The following SH3GL2 variants were observed in gnomAD, a reference collection of about 807,000 sequenced individuals.
SH3GL2 encodes SH3 domain containing GRB2 like 2, endophilin A1.
In SH3GL2, 24 loss-of-function variants were observed where a neutral mutation model predicts 46.0. The observed-to-expected ratio is 0.52, with a 90% CI of 0.38 to 0.73. The LOEUF (loss-of-function observed/expected upper bound fraction) is 0.73, where lower values mean the gene tolerates loss of function less well. Among genes scored for constraint, SH3GL2 ranks in the 30% least tolerant of loss-of-function variants. SH3GL2 has a pLI of 0.00. For missense variants in SH3GL2, 413 were observed against 424.2 expected, an observed-to-expected ratio of 0.97 and a Z score of 0.23; for synonymous variants, 196 against 147.1, an observed-to-expected ratio of 1.33 and a Z score of -2.40.
chr9:17,605,408 A>T (rs568498238), intron 1 of SH3GL2, among the ~76,000 whole-genome samples: 33 of 152,130 alleles, frequency 2.2e-4, no homozygotes, highest in Non-Finnish European at 4.6e-4. Flanking sequence ...AATTGAGATG[A>T]CCAGGGAGGT....
chr9:17,795,539 C>G lies in SH3GL2; in HGVS notation c.860-5C>G. ...TCTTCTCTTCTCTCCTGCTCTTACT[C>G]CCAGGTGTCCAAATGGATCAGCCCT... is the stretch of plus-strand genomic sequence containing the variant. On this transcript the variant is annotated splice_polypyrimidine_tract_variant and splice_region_variant and intron_variant, in intron 8 of 8. Transcript: ENST00000380607. The G allele has an allele frequency of 6.2e-7, 1 of 1,612,066 alleles. No individual in the cohort carries two copies. The highest frequency in any genetic ancestry group is 8.5e-7 in the Non-Finnish European group (1 of 1,178,286).
At chr9:17,790,820 C>T (rs1187969801) in intron 6 of SH3GL2, among the ~76,000 whole-genome samples, 1 of 152,164 alleles carries the variant, frequency 6.6e-6, no homozygotes, top group East Asian at 1.9e-4. Context: ...GATATTGTCA[C>T]ATTTTTATTA....
chr9:17,779,797 C>G (rs1337700319), intron 3 of SH3GL2, among the ~76,000 whole-genome samples: 3 of 152,124 alleles, frequency 2.0e-5, no homozygotes, highest in Non-Finnish European at 4.4e-5. Flanking sequence ...CCTTTGAGCC[C>G]AAGACCGATT....
chr9:17,737,194 G>A (rs1021245253), intron 1 of SH3GL2, among the ~76,000 whole-genome samples: 4 of 151,938 alleles, frequency 2.6e-5, no homozygotes, highest in East Asian at 1.9e-4. Context: ...ACACACTGGC[G>A]CCTGTCAGGG....
At chr9:17,630,288 A>C (rs1014437139) in intron 1 of SH3GL2, 4 of 152,352 alleles carry the variant, frequency 2.6e-5, no homozygotes, top group African/African-American at 7.2e-5. Flanking sequence ...TGGTGCTAAT[A>C]ATAAGGTGAT....
chr9:17,624,847 G>A (rs1362015607), intron 1 of SH3GL2, among the ~76,000 whole-genome samples: 1 of 152,222 alleles, frequency 6.6e-6, no homozygotes, highest in East Asian at 1.9e-4. Context: ...TCTGTGCTGT[G>A]TGAAGTGTTA....
intron 1 of SH3GL2, among the ~76,000 whole-genome samples, chr9:17,581,032 C>G (rs1238900083): frequency 1.3e-5 from 2 of 152,206 alleles, no homozygotes; most frequent in African/African-American, 2.4e-5. Context: ...TTTCCGTTGT[C>G]TCTTCAGGGT....
chr9:17,623,601 G>A (rs1037288528), intron 1 of SH3GL2, among the ~76,000 whole-genome samples: 1 of 151,722 alleles, frequency 6.6e-6, no homozygotes, highest in Non-Finnish European at 1.5e-5. Context: ...TTTTCTTTTT[G>A]CTTGGAAATC....
intron 1 of SH3GL2, among the ~76,000 whole-genome samples, chr9:17,719,284 A>G (rs564609118): frequency 1.3e-5 from 2 of 152,110 alleles, no homozygotes; most frequent in South Asian, 4.2e-4. Context: ...AAGATTCTGA[A>G]CTCTAACACT....
At chr9:17,694,458 TATAA>T (rs747464103) in intron 1 of SH3GL2, among the ~76,000 whole-genome samples, 62 of 152,216 alleles carry the variant, frequency 4.1e-4, no homozygotes, top group Non-Finnish European at 6.9e-4. Flanking sequence ...AATTGCCTTT[TATAA>T]TACCCAGATC....
rs1396619528 is a variant in SH3GL2, at chr9:17,761,499, A to G, written c.177A>G (p.Gln59=). ...TGACTAAAACAATTGAATACCTTCA[A>G]CCCAATCCAGGTAAGGCATCATCTT... ...EIMTKTIEYL[Q]PNPASRAKLS... is the part of the protein sequence containing the mutation. Residue 59 remains glutamine (Q), a synonymous_variant, in exon 3 of 9, where the codon CAA becomes CAG. Coordinates refer to ENST00000380607, the MANE Select transcript of SH3GL2 (RefSeq NM_003026.5). 1 of 1,588,828 alleles carries G rather than the reference A, an allele frequency of 6.3e-7. No homozygotes were observed. The highest frequency in any genetic ancestry group is 1.7e-5 in the Admixed American group (1 of 59,962).
intron 1 of SH3GL2, among the ~76,000 whole-genome samples, chr9:17,684,074 A>G (rs759093723): frequency 1.3e-5 from 2 of 152,142 alleles, no homozygotes; most frequent in African/African-American, 4.8e-5. Flanking sequence ...AGGTAAAACA[A>G]CACACATAAA....
intron 3 of SH3GL2, among the ~76,000 whole-genome samples, chr9:17,777,854 C>T (rs1378256822): frequency 2.0e-5 from 3 of 151,984 alleles, no homozygotes; most frequent in African/African-American, 7.3e-5. Flanking sequence ...TTGGGGAGGA[C>T]AAATAGCAGT....
At position 17,763,684 on chromosome 9, in the gene SH3GL2, A is replaced by C. The variant is rs1823241713; in HGVS notation, c.187+2175A>C. ...CTTTGAGGCTGCCCAGTTTGTGGTC[A>C]TTTGAAATGACAGCTCTAGAAAACT... On this transcript the variant is annotated intron_variant, in intron 3 of 8. Coordinates refer to ENST00000380607, the MANE Select transcript of SH3GL2 (RefSeq NM_003026.5). Among the ~76,000 whole-genome samples the C allele has an allele frequency of 5.9e-5, 9 of 152,186 alleles. No homozygotes were observed. In the South Asian group the frequency reaches 1.7e-3, roughly 28 times the overall value.
intron 3 of SH3GL2, among the ~76,000 whole-genome samples, chr9:17,763,949 A>T (rs2131155290): frequency 6.6e-6 from 1 of 151,764 alleles, no homozygotes; most frequent in East Asian, 1.9e-4. Flanking sequence ...CAGAAAGGAA[A>T]TTGTGGGATT....
intron 1 of SH3GL2, among the ~76,000 whole-genome samples, chr9:17,744,112 T>C (rs2118513777): frequency 6.6e-6 from 1 of 152,292 alleles, no homozygotes; most frequent in Admixed American, 6.5e-5. Context: ...TATTTTTTAT[T>C]GTGTGGGAAT....
At chr9:17,735,810 A>G (rs1170126548) in intron 1 of SH3GL2, 4 of 882,036 alleles carry the variant, frequency 4.5e-6, no homozygotes, top group African/African-American at 1.8e-5. Flanking sequence ...TTAAGTTAGC[A>G]GGTAGGTGGT....
chr9:17,647,888 C>T (rs966342088), intron 1 of SH3GL2, among the ~76,000 whole-genome samples: 2 of 152,144 alleles, frequency 1.3e-5, no homozygotes, highest in Non-Finnish European at 2.9e-5. Context: ...CCACCTCTGC[C>T]ACCCTTGAGA....
intron 1 of SH3GL2, among the ~76,000 whole-genome samples, chr9:17,729,610 T>G (rs1043720334): frequency 7.2e-5 from 11 of 152,362 alleles, no homozygotes; most frequent in African/African-American, 2.4e-4. Context: ...CGTTTAAATC[T>G]TTAATCCATC....
Sources: gnomAD v4.1 joint callset for allele counts (sites outside exome capture counted in the v4.1 genomes callset) on GRCh38, gnomAD v4.1.1 for gene constraint, MANE v1.5 for transcripts, NCBI Gene and HGNC (gene_info 2026-07-23, HGNC 2026-07-21) for gene names.